Variants in DOCK3 observed in about 807,000 individuals in gnomAD.
The protein encoded by DOCK3 is dedicator of cytokinesis protein 3.
Under a neutral mutation model 265.6 loss-of-function variants are expected in DOCK3, and 60 were observed. The observed-to-expected ratio is 0.23, with a 90% CI of 0.18 to 0.28. DOCK3 has a LOEUF of 0.28. Among genes scored for constraint, DOCK3 ranks in the 10% least tolerant of loss-of-function variants. The pLI is 1.00. For missense variants in DOCK3, 1,981 were observed against 2,594.3 expected (o/e 0.76, Z 5.14); for synonymous variants, 881 against 938.0 (o/e 0.94, Z 1.11).
chr3:50,866,473 G>C (rs1009898284), intron 3 of DOCK3, among the ~76,000 whole-genome samples: 13 of 94,202 alleles, frequency 1.4e-4, no homozygotes, highest in African/African-American at 5.0e-4. Context: ...GACAAAGCGA[G>C]ACTCTTTTTT....
chr3:50,679,272 C>G (rs2034216755), intron 1 of DOCK3, among the ~76,000 whole-genome samples: 1 of 152,194 alleles, frequency 6.6e-6, no homozygotes, highest in African/African-American at 2.4e-5. Context: ...CTGTGCCCAG[C>G]TAAGGCAAAT....
chr3:51,376,903 A>G lies in DOCK3; in HGVS notation c.5500+1068A>G, dbSNP rs375806326. On this transcript the variant is annotated intron_variant, in intron 51 of 52. Coordinates refer to ENST00000266037, the MANE Select transcript of DOCK3 (RefSeq NM_004947.5). ...CTGGAGACTGGCTGAAGATGCCTTCATAGCTTCAAGGTCGTATATCCCGAA... is the reference window on the plus strand; with the variant it reads ...CTGGAGACTGGCTGAAGATGCCTTCGTAGCTTCAAGGTCGTATATCCCGAA... Among the ~76,000 whole-genome samples the G allele has an allele frequency of 1.2e-3, 182 of 152,372 alleles. 4 individuals carry two copies. In the South Asian group the frequency reaches 0.036, roughly 30 times the overall value.
At chr3:50,769,196 T>C (rs1427995170) in intron 1 of DOCK3, among the ~76,000 whole-genome samples, 1 of 152,170 alleles carries the variant, frequency 6.6e-6, no homozygotes, top group Non-Finnish European at 1.5e-5. Flanking sequence ...CACTCTTCTT[T>C]ACTGTGCAGA....
chr3:51,302,111 G>T (rs1288547563), intron 27 of DOCK3, among the ~76,000 whole-genome samples: 1 of 152,178 alleles, frequency 6.6e-6, no homozygotes, highest in African/African-American at 2.4e-5. Context: ...CAATCTGGGT[G>T]CTTCTGTATT....
intron 4 of DOCK3, among the ~76,000 whole-genome samples, chr3:50,900,429 T>C (rs919023173): frequency 7.9e-5 from 12 of 152,184 alleles, no homozygotes; most frequent in Non-Finnish European, 8.8e-5. Flanking sequence ...AACATGCTCC[T>C]TTAGCTTGGA....
chr3:50,881,368 T>C (rs188328088), intron 3 of DOCK3: 7 of 151,430 alleles, frequency 4.6e-5, no homozygotes, highest in African/African-American at 9.7e-5. Context: ...TGATTGTATA[T>C]TTAGAAATCT....
At chr3:50,999,844 G>C (rs1292841247) in intron 5 of DOCK3, among the ~76,000 whole-genome samples, 1 of 152,168 alleles carries the variant, frequency 6.6e-6, no homozygotes, top group East Asian at 1.9e-4. Context: ...GGTCACTGAA[G>C]TGGCTCTGTT....
intron 2 of DOCK3, among the ~76,000 whole-genome samples, chr3:50,821,125 CTTTCTTTCTTT>C (rs1280366007): frequency 7.2e-6 from 1 of 138,974 alleles, no homozygotes; most frequent in Admixed American, 7.1e-5. Context: ...AGTTTTCTTT[CTTTCTTTCTTT>C]TTTCTTTTTT....
At chr3:50,915,330 G>A (rs1206989639) in intron 4 of DOCK3, among the ~76,000 whole-genome samples, 1 of 152,012 alleles carries the variant, frequency 6.6e-6, no homozygotes, top group Non-Finnish European at 1.5e-5. Flanking sequence ...AGGTACAGGG[G>A]CAGAATGTAC....
At chr3:50,679,009 T>C (rs2034192344) in intron 1 of DOCK3, among the ~76,000 whole-genome samples, 2 of 152,150 alleles carry the variant, frequency 1.3e-5, no homozygotes. Flanking sequence ...GAGATGAGGT[T>C]TCACCATGTT....
chr3:50,965,825 T>C (rs1325805143), intron 5 of DOCK3, among the ~76,000 whole-genome samples: 1 of 152,118 alleles, frequency 6.6e-6, no homozygotes, highest in Non-Finnish European at 1.5e-5. Flanking sequence ...TTGACAAAGA[T>C]TGTATATATT....
intron 3 of DOCK3, among the ~76,000 whole-genome samples, chr3:50,875,670 G>C (rs2047669759): frequency 1.3e-5 from 2 of 152,248 alleles, no homozygotes; most frequent in Middle Eastern, 6.8e-3. Flanking sequence ...CACGATGAAT[G>C]ATGTTTTTGA....
intron 23 of DOCK3, among the ~76,000 whole-genome samples, chr3:51,267,955 C>A (rs980453668): frequency 2.6e-5 from 4 of 151,910 alleles, no homozygotes; most frequent in Admixed American, 2.0e-4. Flanking sequence ...AACACATGGA[C>A]ACAGGGAGGG....
At chr3:50,927,447 A>G (rs1390647868) in intron 4 of DOCK3, among the ~76,000 whole-genome samples, 1 of 152,262 alleles carries the variant, frequency 6.6e-6, no homozygotes, top group East Asian at 1.9e-4. Flanking sequence ...CAAAGAAATC[A>G]TAAATATTTG....
At chr3:51,204,042 GA>G (rs1470429937) in intron 12 of DOCK3, among the ~76,000 whole-genome samples, 1 of 146,424 alleles carries the variant, frequency 6.8e-6, no homozygotes, top group Non-Finnish European at 1.5e-5. Flanking sequence ...TTAAACGTTA[GA>G]CCTAAAACCA....
At chr3:50,863,544 T>C in intron 3 of DOCK3, 1 of 421,834 alleles carries the variant, frequency 2.4e-6, no homozygotes, top group Non-Finnish European at 4.6e-6. Flanking sequence ...TTTGCTAGAC[T>C]CTCGATGCTT....
intron 3 of DOCK3, among the ~76,000 whole-genome samples, chr3:50,849,540 G>A (rs1286644990): frequency 3.3e-5 from 5 of 150,784 alleles, no homozygotes; most frequent in Non-Finnish European, 5.9e-5. Context: ...CTGTAGCCTT[G>A]ACCTCCTAGG....
chr3:51,177,190 A>G (rs1316189156), intron 12 of DOCK3, among the ~76,000 whole-genome samples: 1 of 152,236 alleles, frequency 6.6e-6, no homozygotes, highest in Non-Finnish European at 1.5e-5. Flanking sequence ...AGATAATGCT[A>G]GTAATCATAG....
At chr3:50,964,894 A>G (rs1051009414) in intron 5 of DOCK3, among the ~76,000 whole-genome samples, 1 of 152,130 alleles carries the variant, frequency 6.6e-6, no homozygotes, top group Admixed American at 6.6e-5. Context: ...AGCTCTCATC[A>G]GAAACAATGT....
Sources: gnomAD v4.1 joint callset for allele counts (sites outside exome capture counted in the v4.1 genomes callset) on GRCh38, gnomAD v4.1.1 for gene constraint, MANE v1.5 for transcripts, NCBI Gene and HGNC (gene_info 2026-07-23, HGNC 2026-07-21) for gene names.